GCNT1: variants seen among roughly 807,000 people sequenced by gnomAD.
The protein encoded by GCNT1 is beta-1,3-galactosyl-O-glycosyl-glycoprotein beta-1,6-N-acetylglucosaminyltransferase.
In GCNT1, 16 loss-of-function variants were observed where a neutral mutation model predicts 26.2. That is an observed-to-expected ratio of 0.61 (90% CI 0.41 to 0.93). GCNT1 has a LOEUF of 0.93. GCNT1 is among the 40% of genes least tolerant of loss of function. The probability of loss-of-function intolerance (pLI) is 0.00; values close to 1 mark genes in which losing one functional copy is unlikely to be tolerated. For missense variants in GCNT1, 477 were observed against 526.7 expected (o/e 0.91, Z 0.92); for synonymous variants, 183 against 190.8 (o/e 0.96, Z 0.34).
intron 2 of GCNT1, among the ~76,000 whole-genome samples, chr9:76,479,869 T>C (rs961022364): frequency 1.3e-5 from 2 of 152,198 alleles, no homozygotes; most frequent in African/African-American, 4.8e-5. Context: ...TTAGATCCCA[T>C]TTGTCAATTT....
upstream of GCNT1, among the ~76,000 whole-genome samples, chr9:76,454,386 G>GAAAAAA (rs71372084): frequency 9.1e-3 from 359 of 39,604 alleles, 5 homozygotes; most frequent in Middle Eastern, 0.019. Context: ...TCTCAGAAAA[G>GAAAAAA]AAAAAAAAAA....
upstream of GCNT1, among the ~76,000 whole-genome samples, chr9:76,419,191 C>T (rs759778707): frequency 6.6e-6 from 1 of 152,012 alleles, no homozygotes; most frequent in African/African-American, 2.4e-5. Flanking sequence ...CCTTATAGCC[C>T]CCATCCCAAT....
At chr9:76,458,904 C>T (rs920213158), upstream of GCNT1, among the ~76,000 whole-genome samples, 17 of 152,242 alleles carry the variant, frequency 1.1e-4, no homozygotes, top group African/African-American at 4.1e-4. Context: ...TCTCGAGTTT[C>T]CTGCTTTCGA....
the GCNT1 span, among the ~76,000 whole-genome samples, chr9:76,394,917 C>A: frequency 1.3e-5 from 2 of 152,296 alleles, no homozygotes; most frequent in African/African-American, 4.8e-5. Context: ...TTTTCCTGGC[C>A]GCCCTACCAG....
intron 1 of GCNT1, among the ~76,000 whole-genome samples, chr9:76,422,720 T>C (rs1823211799): frequency 6.6e-6 from 1 of 152,052 alleles, no homozygotes; most frequent in South Asian, 2.1e-4. Context: ...GCCCAGCTAA[T>C]TTTTGTATTT....
chr9:76,425,999 T>A (rs139667216), intron 1 of GCNT1, among the ~76,000 whole-genome samples: 1 of 152,116 alleles, frequency 6.6e-6, no homozygotes, highest in African/African-American at 2.4e-5. Flanking sequence ...CAGGAGCAAT[T>A]TGGGGAGGGT....
In GCNT1 at chr9:76,465,155, G is replaced by GTTT. The variant is rs374781585; in HGVS notation, c.-290+4989_-290+4991dup. Among the ~76,000 whole-genome samples the GTTT allele has an allele frequency of 9.9e-4, 144 of 145,006 alleles. 3 individuals carry two copies. The highest frequency in any genetic ancestry group is 3.6e-3 in the Middle Eastern group (1 of 278). ...CCTGCTGTGCCTGACTCTGATTTGA[G>GTTT]TTTTTTTTTTTTTATTTTTTTTTAG... On this transcript the variant is annotated intron_variant, in intron 2 of 3. Coordinates refer to ENST00000376730, the MANE Select transcript of GCNT1 (RefSeq NM_001490.5).
chr9:76,496,154 T>C (rs1242678958), intron 2 of GCNT1, among the ~76,000 whole-genome samples: 1 of 152,226 alleles, frequency 6.6e-6, no homozygotes, highest in Non-Finnish European at 1.5e-5. Flanking sequence ...TGGGAACTGC[T>C]TTCCATTAGG....
chr9:76,415,405 C>T (rs1823124333), upstream of GCNT1, among the ~76,000 whole-genome samples: 1 of 152,180 alleles, frequency 6.6e-6, no homozygotes, highest in Non-Finnish European at 1.5e-5. Flanking sequence ...TTTTTCCCCC[C>T]ACCTTAGGTG....
the GCNT1 span, among the ~76,000 whole-genome samples, chr9:76,410,261 A>T: frequency 6.6e-6 from 1 of 152,118 alleles, no homozygotes; most frequent in Non-Finnish European, 1.5e-5. Flanking sequence ...ATGAAACCCC[A>T]TCTCTACTAA....
At chr9:76,497,152 A>T (rs1824928643) in intron 2 of GCNT1, among the ~76,000 whole-genome samples, 1 of 152,234 alleles carries the variant, frequency 6.6e-6, no homozygotes, top group Admixed American at 6.5e-5. Flanking sequence ...GTGAAGGAAC[A>T]TTGGGCAGAG....
chr9:76,406,511 A>AAAAAG, the GCNT1 span, among the ~76,000 whole-genome samples: 8 of 149,550 alleles, frequency 5.3e-5, no homozygotes, highest in African/African-American at 2.0e-4. Context: ...AAAAAAAAAA[A>AAAAAG]AAAGAAAGAA....
upstream of GCNT1, among the ~76,000 whole-genome samples, chr9:76,454,800 C>A (rs143435076): frequency 4.0e-5 from 6 of 151,538 alleles, no homozygotes; most frequent in Admixed American, 6.6e-5. Flanking sequence ...GAGGCCCCCC[C>A]AGCCAGGCAA....
intron 1 of GCNT1, among the ~76,000 whole-genome samples, chr9:76,433,667 G>T (rs1279333139): frequency 6.6e-6 from 1 of 152,212 alleles, no homozygotes; most frequent in Non-Finnish European, 1.5e-5. Flanking sequence ...CAGTTTGGCA[G>T]GCTGAGTGGG....
chr9:76,411,724 CAG>C, the GCNT1 span, among the ~76,000 whole-genome samples: 1 of 49,720 alleles, frequency 2.0e-5, no homozygotes, highest in South Asian at 5.3e-4. Flanking sequence ...TTTTTTTTAA[CAG>C]AGTCTTGCTC....
chr9:76,461,668 A>T (rs1384881581), intron 2 of GCNT1, among the ~76,000 whole-genome samples: 1 of 151,884 alleles, frequency 6.6e-6, no homozygotes, highest in African/African-American at 2.4e-5. Context: ...CAGGTGGATC[A>T]CTTGAGGTCA....
At chr9:76,398,059 C>T in the GCNT1 span, among the ~76,000 whole-genome samples, 1 of 152,162 alleles carries the variant, frequency 6.6e-6, no homozygotes. Flanking sequence ...TTATTTCCCC[C>T]TCTGAACTGC....
chr9:76,502,550 A>G lies in GCNT1; in HGVS notation c.169A>G (p.Ile57Val). 1 of 1,614,116 alleles carries G rather than the reference A, an allele frequency of 6.2e-7. No individual in the cohort carries two copies. The highest frequency in any genetic ancestry group is 8.5e-7 in the Non-Finnish European group (1 of 1,179,960). Reference sequence around the variant, plus strand: ...TGCTGGGGAGAATCCTAGTAGTGATATTAATTGCACCAAAGTTTTACAGGG... The same window carrying G: ...TGCTGGGGAGAATCCTAGTAGTGATGTTAATTGCACCAAAGTTTTACAGGG... ...ELAGENPSSD[I>V]NCTKVLQGDV... is the part of the protein sequence containing the mutation. Residue 57 changes from isoleucine to valine, a missense_variant, in exon 4 of 4, where the codon ATT becomes GTT. Transcript: ENST00000376730.
chr9:76,483,403 G>GTT (rs34884191), intron 2 of GCNT1, among the ~76,000 whole-genome samples: 11 of 148,792 alleles, frequency 7.4e-5, no homozygotes, highest in Admixed American at 2.0e-4. Flanking sequence ...TTAAGGAGGG[G>GTT]TTTTTTTTTT....
Sources: gnomAD v4.1 joint callset for allele counts (sites outside exome capture counted in the v4.1 genomes callset) on GRCh38, gnomAD v4.1.1 for gene constraint, MANE v1.5 for transcripts, NCBI Gene and HGNC (gene_info 2026-07-23, HGNC 2026-07-21) for gene names.